Variants in CCDC63 observed in about 807,000 individuals in gnomAD.
CCDC63 encodes the protein coiled-coil domain-containing protein 63.
CCDC63 carries 54 observed loss-of-function variants against 63.6 expected under a neutral mutation model. The observed-to-expected ratio is 0.85, with a 90% CI of 0.68 to 1.07. CCDC63 has a LOEUF of 1.07. CCDC63 is among the 50% of genes least tolerant of loss of function. The pLI, the probability that CCDC63 is intolerant of heterozygous loss-of-function variation, is 0.00. For missense variants in CCDC63, 637 were observed against 689.6 expected, an observed-to-expected ratio of 0.92 and a Z score of 0.86; for synonymous variants, 253 against 266.1, an observed-to-expected ratio of 0.95 and a Z score of 0.48.
intron 4 of CCDC63, among the ~76,000 whole-genome samples, chr12:110,872,326 G>A (rs1039598441): frequency 6.6e-6 from 1 of 152,212 alleles, no homozygotes; most frequent in African/African-American, 2.4e-5. Context: ...ACCAAGGGCT[G>A]GAGTTTGCAG....
At chr12:110,863,189 TAGAGC>T (rs1198738209) in intron 4 of CCDC63, among the ~76,000 whole-genome samples, 2 of 151,990 alleles carry the variant, frequency 1.3e-5, no homozygotes, top group African/African-American at 4.8e-5. Context: ...GACACCAAAG[TAGAGC>T]GGGGGCCTGA....
In CCDC63 at chr12:110,884,179, G is replaced by C; in HGVS notation, c.1003G>C (p.Ala335Pro). Residue 335 changes from alanine (A) to proline (P), a missense_variant, in exon 8 of 12, where the codon GCT becomes CCT. Ala to Pro is a conservative substitution (Grantham distance 27). Coordinates refer to ENST00000308208, the MANE Select transcript of CCDC63 (RefSeq NM_152591.3). ...TCTGGCCAAGGAGGAGAAGAATTTT[G>C]CTCGGTTCACGTATGTCACGGAGCT... Reference protein sequence around the residue: ...DFLAKEEKNFARFTYVTELNN... With the variant: ...DFLAKEEKNFPRFTYVTELNN... 6.2e-7 allele frequency: 1 copy of C among 1,614,124 alleles called. No homozygotes were observed. The highest frequency in any genetic ancestry group is 8.5e-7 in the Non-Finnish European group (1 of 1,180,020).
In CCDC63 at chr12:110,893,162, A is replaced by G; in HGVS notation, c.1149+12A>G. On this transcript the variant is annotated intron_variant, in intron 9 of 11. Transcript: ENST00000308208. ...TGAGACAGCTGGAGGTGAGAACAGG[A>G]TCGGGAGGGAGGGATGCGGGAGCTT... The G allele has an allele frequency of 6.2e-7, 1 of 1,610,238 alleles. No homozygotes were observed. Among genetic ancestry groups the G allele is most frequent in the Admixed American group, 1.7e-5 (1 of 59,928 alleles).
rs2070812027 is a variant in CCDC63, at chr12:110,858,727, G to A, written c.321G>A (p.Glu107=). The change falls in exon 4 of 12, where the codon GAG becomes GAA. Residue 107 remains glutamate (E), a synonymous_variant. Transcript: ENST00000308208. ...RLLLQTKEDY[E]ALIKSLKVLL... is the part of the protein sequence containing the mutation. ...TGCTCCAAACTAAGGAGGACTATGA[G>A]GCATTGATTAAATCCCTGAAAGTGC... is the stretch of plus-strand genomic sequence containing the variant. 1.2e-6 allele frequency: 2 copies of A among 1,613,972 alleles called. No individual in the cohort carries two copies. Among genetic ancestry groups the A allele is most frequent in the Middle Eastern group, 1.6e-4 (1 of 6,084 alleles).
Position 110,884,230 on chromosome 12 carries a change from A to T in CCDC63, c.1054A>T (p.Lys352Ter), listed in dbSNP as rs1221619644. ...ELNNDMEMMH[K>*]RTQRIQDEII... ...CAACAACGACATGGAGATGATGCAC[A>T]AGAGGACCCAACGAATCCAGGTCAG... The change falls in exon 8 of 12, where the codon AAG (lysine) becomes TAG (stop). Residue 352 changes from lysine to a stop codon, truncating the protein, a stop_gained. Transcript: ENST00000308208. LOFTEE classifies it high-confidence loss of function. 6.2e-7 allele frequency: 1 copy of T among 1,614,132 alleles called. No individual in the cohort carries two copies. Among genetic ancestry groups the T allele is most frequent in the Non-Finnish European group, 8.5e-7 (1 of 1,180,002 alleles).
chr12:110,904,532 T>G (rs2136752979), intron 10 of CCDC63, 56 bp from the exon 11 acceptor site: 1 of 1,516,632 alleles, frequency 6.6e-7, no homozygotes, highest in Non-Finnish European at 9.1e-7. Flanking sequence ...CCACCCACAG[T>G]GCCCCCAGGC....
intron 4 of CCDC63, 91 bp downstream of exon 4, chr12:110,858,866 C>A: frequency 9.3e-7 from 1 of 1,070,570 alleles, no homozygotes; most frequent in East Asian, 2.4e-5. Context: ...CCAGACCTGA[C>A]ACCCCTGTAT....
At position 110,880,002 on chromosome 12, in the gene CCDC63, TACCAG is replaced by T; in HGVS notation, c.587_591del (p.Tyr196SerfsTer18). ...TGAGAAGGCTGCTTATGACAATGTC[TACCAG>T]CAGCTCCAGCACTGCCTGTTGATGG... On this transcript the variant is annotated frameshift_variant, in exon 6 of 12. Coordinates refer to ENST00000308208, the MANE Select transcript of CCDC63 (RefSeq NM_152591.3). LOFTEE classifies it high-confidence loss of function. 6.2e-7 allele frequency: 1 copy of T among 1,614,166 alleles called. No individual in the cohort carries two copies. Among genetic ancestry groups the T allele is most frequent in the Non-Finnish European group, 8.5e-7 (1 of 1,179,992 alleles).
intron 5 of CCDC63, among the ~76,000 whole-genome samples, chr12:110,877,494 A>C (rs1555254067): frequency 6.6e-6 from 1 of 152,064 alleles, no homozygotes; most frequent in Non-Finnish European, 1.5e-5. Context: ...TTGTGATTAC[A>C]GGCATGAGCC....
At chr12:110,853,042 G>T (rs528522567) in intron 2 of CCDC63, 79 bp downstream of exon 2, 1 of 1,464,966 alleles carries the variant, frequency 6.8e-7, no homozygotes, top group East Asian at 2.3e-5. Context: ...ACGTTAGCTC[G>T]TCTCATCCTG....
rs573668461 is a variant in CCDC63 at position 110,884,084 on chromosome 12, A to C, written c.908A>C (p.Tyr303Ser). The change falls in exon 8 of 12, where the codon TAT (tyrosine) becomes TCT (serine). Residue 303 changes from tyrosine (Y) to serine (S), a missense_variant. Transcript: ENST00000308208. ...AACAGGGGAGAGAGTTTTGAGAGCT[A>C]TGAGGTGGCCCACCTCCGGCTGCTG... is the stretch of plus-strand genomic sequence containing the variant. ...KKNRGESFES[Y>S]EVAHLRLLKL... 1.2e-6 allele frequency: 2 copies of C among 1,614,082 alleles called. No individual in the cohort carries two copies. Among genetic ancestry groups the C allele is most frequent in the East Asian group, 2.2e-5 (1 of 44,896 alleles).
At chr12:110,882,843 AC>A (rs2071224985) in intron 7 of CCDC63, among the ~76,000 whole-genome samples, 1 of 151,780 alleles carries the variant, frequency 6.6e-6, no homozygotes, top group Non-Finnish European at 1.5e-5. Flanking sequence ...GTGTGCCTAA[AC>A]GATCCTTTTA....
At position 110,853,407 on chromosome 12, in the gene CCDC63, G is replaced by T. The variant is rs200980001; in HGVS notation, c.12G>T (p.Leu4Phe). The T allele has an allele frequency of 6.2e-7, 1 of 1,607,506 alleles. No homozygotes were observed. Among genetic ancestry groups the T allele is most frequent in the Non-Finnish European group, 8.5e-7 (1 of 1,178,256 alleles). ...CCACTCCTCTCCATCTCCCCCAGTT[G>T]AAGAAGAACAGGAGAAAAGACTCCG... MSV[L>F]KKNRRKDSDT... The change falls in exon 3 of 12, where the codon TTG becomes TTT. Residue 4 changes from leucine to phenylalanine, a missense_variant and splice_region_variant. By Grantham distance (22) the Leu-to-Phe change is conservative (BLOSUM62 0). Coordinates refer to ENST00000308208, the MANE Select transcript of CCDC63 (RefSeq NM_152591.3).
intron 5 of CCDC63, among the ~76,000 whole-genome samples, chr12:110,877,361 C>T (rs1035519054): frequency 4.1e-4 from 62 of 151,878 alleles, no homozygotes; most frequent in African/African-American, 1.3e-3. Context: ...TACAGGTGTG[C>T]GCCACCACAC....
In CCDC63 at chr12:110,892,556, A is replaced by T. The variant is rs1695645988; in HGVS notation, c.1075-520A>T. Among the ~76,000 whole-genome samples the T allele has an allele frequency of 2.0e-5, 3 of 152,280 alleles. No homozygotes were observed. The South Asian group carries it at 6.2e-4, about 32-fold the overall frequency. ...CAGAACAGAAAATTCTATTGACTGC[A>T]TTGTTCTAGAATTTTCCAGAAGAGG... On this transcript the variant is annotated intron_variant, in intron 8 of 11. Coordinates refer to ENST00000308208, the MANE Select transcript of CCDC63 (RefSeq NM_152591.3).
intron 4 of CCDC63, among the ~76,000 whole-genome samples, chr12:110,869,734 C>T (rs1376713249): frequency 1.3e-5 from 2 of 152,108 alleles, no homozygotes; most frequent in South Asian, 2.1e-4. Flanking sequence ...GAGACACTAA[C>T]ATTTTTTCCT....
chr12:110,862,890 A>T (rs1374694197), intron 4 of CCDC63, among the ~76,000 whole-genome samples: 4 of 151,710 alleles, frequency 2.6e-5, no homozygotes, highest in African/African-American at 9.7e-5. Context: ...TGAGTAGCTA[A>T]GATTACAGGC....
intron 10 of CCDC63, among the ~76,000 whole-genome samples, chr12:110,902,579 C>T (rs535051666): frequency 6.6e-5 from 10 of 152,216 alleles, no homozygotes; most frequent in Admixed American, 2.0e-4. Context: ...CTACTCCCCC[C>T]GACCACTATT....
intron 5 of CCDC63, 69 bp from the exon 6 acceptor site, chr12:110,879,836 AG>A: frequency 6.7e-7 from 1 of 1,489,860 alleles, no homozygotes. Context: ...ACAGCCTTCC[AG>A]GTGCCTTCTG....
Sources: allele counts gnomAD v4.1 joint callset (sites outside exome capture counted in the v4.1 genomes callset), GRCh38; gene constraint gnomAD v4.1.1; transcripts MANE v1.5; gene names NCBI Gene and HGNC (gene_info 2026-07-23, HGNC 2026-07-21).